The following MORC3 variants were observed in gnomAD, a reference collection of about 807,000 sequenced individuals.
The protein encoded by MORC3 is MORC family CW-type zinc finger 3, also known as MORC family CW-type zinc finger protein 3.
A neutral mutation model predicts 109.1 loss-of-function variants in MORC3; 31 were observed. That is an observed-to-expected ratio of 0.28 (90% CI 0.21 to 0.38). MORC3 has a LOEUF of 0.38. Among genes scored for constraint, MORC3 ranks in the 10% least tolerant of loss-of-function variants. The probability of loss-of-function intolerance (pLI) is 1.00; values close to 1 mark genes in which losing one functional copy is unlikely to be tolerated. For synonymous variants in MORC3, 395 were observed against 380.7 expected (o/e 1.04, Z -0.44); for missense variants, 867 against 1,135.8 (o/e 0.76, Z 3.40).
At chr21:36,351,903 C>G (rs1198952665) in intron 9 of MORC3, among the ~76,000 whole-genome samples, 4 of 152,168 alleles carry the variant, frequency 2.6e-5, no homozygotes, top group Non-Finnish European at 4.4e-5. Context: ...TATTGCAGCA[C>G]TGTTCACAGT....
chr21:36,369,450 C>T lies in MORC3; in HGVS notation c.2082C>T (p.Cys694=), dbSNP rs1419715444. 3.7e-6 allele frequency: 6 copies of T among 1,614,016 alleles called. No homozygotes were observed. Among genetic ancestry groups the T allele is most frequent in the Non-Finnish European group, 5.1e-6 (6 of 1,180,010 alleles). Residue 694 remains cysteine (C), a synonymous_variant, in exon 15 of 17, where the codon TGC becomes TGT. Transcript: ENST00000400485. ...ATAAATCTGCAGATGATGCAGGCTG[C>T]CAATTACAAGAACTGAGAAACCAGC... ...TTDKSADDAG[C]QLQELRNQLL... is the part of the protein sequence containing the mutation.
intron 16 of MORC3, 33 bp from the exon 17 acceptor site, chr21:36,375,110 C>A: frequency 1.0e-5 from 16 of 1,578,456 alleles, no homozygotes; most frequent in Non-Finnish European, 1.3e-5. Context: ...ACTTGTAATG[C>A]TCATCTAATA....
chr21:36,337,163 G>A (rs1402724638), intron 3 of MORC3, among the ~76,000 whole-genome samples, 157 bp downstream of exon 3: 1 of 152,148 alleles, frequency 6.6e-6, no homozygotes, highest in Non-Finnish European at 1.5e-5. Context: ...ACTGGTAGAT[G>A]ATGAGTCAGT....
chr21:36,336,748 C>T (rs2146298524), intron 2 of MORC3, 126 bp from the exon 3 acceptor site: 5 of 899,140 alleles, frequency 5.6e-6, no homozygotes, highest in Non-Finnish European at 7.8e-6. Flanking sequence ...TTTAAAGCTG[C>T]TAAAAATTGC....
intron 9 of MORC3, among the ~76,000 whole-genome samples, chr21:36,352,814 A>G (rs1272300779): frequency 6.6e-6 from 1 of 152,038 alleles, no homozygotes; most frequent in Non-Finnish European, 1.5e-5. Flanking sequence ...TAACATAAAT[A>G]GTTGATTAAG....
chr21:36,361,369 C>A (rs1037840166), intron 12 of MORC3, among the ~76,000 whole-genome samples: 1 of 150,478 alleles, frequency 6.6e-6, no homozygotes, highest in Non-Finnish European at 1.5e-5. Flanking sequence ...CATAGTGACA[C>A]CCCGTCTCTA....
rs1192934275 is a variant in MORC3, at chr21:36,376,206, A to G, written c.*910A>G. 6.6e-6 allele frequency: 1 copy of G among 152,610 alleles called. No homozygotes were observed. Among genetic ancestry groups the G allele is most frequent in the East Asian group, 1.9e-4 (1 of 5,200 alleles). The allele number at this position is 152,610 out of a possible 1,614,324, so 9.5% of individuals were successfully genotyped here. On this transcript the variant is annotated 3_prime_UTR_variant, in exon 17 of 17. Transcript: ENST00000400485. ...TTTTATATCCTAGAGTCAAGGAACA[A>G]ATTTCCTTAGGATTATAGTATTACA...
intron 1 of MORC3, among the ~76,000 whole-genome samples, chr21:36,322,576 T>C (rs1197543446): frequency 6.6e-6 from 1 of 152,130 alleles, no homozygotes; most frequent in Non-Finnish European, 1.5e-5. Flanking sequence ...TTCACCATGT[T>C]GGCCAGGCTG....
At chr21:36,361,512 G>A (rs2085715074) in intron 12 of MORC3, among the ~76,000 whole-genome samples, 1 of 114,532 alleles carries the variant, frequency 8.7e-6, no homozygotes, top group Non-Finnish European at 1.7e-5. Context: ...CTGCATTCCA[G>A]CCTGGGCGAC....
At chr21:36,360,540 T>C (rs1395048711) in intron 12 of MORC3, 5 of 436,990 alleles carry the variant, frequency 1.1e-5, no homozygotes, top group South Asian at 7.8e-5. Context: ...ACCCCCCCCA[T>C]TGAAGCTTAT....
At chr21:36,354,323 C>CTTTCT (rs1555908408) in intron 9 of MORC3, among the ~76,000 whole-genome samples, 35 of 113,648 alleles carry the variant, frequency 3.1e-4, no homozygotes, top group East Asian at 2.6e-3. Context: ...TTCTTTCTTT[C>CTTTCT]TTTTTTTTTT....
At chr21:36,374,357 C>A (rs2085905313) in intron 16 of MORC3, among the ~76,000 whole-genome samples, 1 of 152,106 alleles carries the variant, frequency 6.6e-6, no homozygotes, top group Non-Finnish European at 1.5e-5. Flanking sequence ...TCCCAAAGTG[C>A]TGGGATTACA....
At chr21:36,347,015 A>AC (rs939496180) in intron 8 of MORC3, among the ~76,000 whole-genome samples, 9 of 150,716 alleles carry the variant, frequency 6.0e-5, no homozygotes, top group African/African-American at 2.2e-4. Flanking sequence ...CTTAAAAAAA[A>AC]AAAAAAAAAA....
At chr21:36,365,688 C>T (rs997365625) in intron 14 of MORC3, among the ~76,000 whole-genome samples, 1 of 152,114 alleles carries the variant, frequency 6.6e-6, no homozygotes, top group African/African-American at 2.4e-5. Context: ...TCATGCGATT[C>T]CCCCACCTCA....
intron 5 of MORC3, among the ~76,000 whole-genome samples, chr21:36,339,780 A>G (rs1199545452): frequency 6.6e-6 from 1 of 152,230 alleles, no homozygotes; most frequent in African/African-American, 2.4e-5. Context: ...ACAGGTAGTG[A>G]TAAGCCTAAA....
chr21:36,324,998 C>T (rs779802705), intron 1 of MORC3, among the ~76,000 whole-genome samples: 11 of 152,202 alleles, frequency 7.2e-5, no homozygotes, highest in Middle Eastern at 3.4e-3. Flanking sequence ...CGTGAGCCAC[C>T]GCGCCTGGCA....
rs753697959 is a variant in MORC3, at chr21:36,333,743, C to G, written c.112+25C>G. The G allele has an allele frequency of 2.7e-6, 4 of 1,494,508 alleles. No homozygotes were observed. The South Asian group carries it at 4.7e-5, about 18-fold the overall frequency. The allele number at this position is 1,494,508 out of a possible 1,614,324, so 92.6% of individuals were successfully genotyped here. ...GGTATGTAGTTTGACATTTCATATA[C>G]CATTTGTTGCTTACAATTGTAGTGT... On this transcript the variant is annotated intron_variant, in intron 2 of 16. Transcript: ENST00000400485.
At chr21:36,346,581 G>A (rs1456242278) in intron 8 of MORC3, among the ~76,000 whole-genome samples, 1 of 152,036 alleles carries the variant, frequency 6.6e-6, no homozygotes, top group Non-Finnish European at 1.5e-5. Context: ...GGTCTGGGCC[G>A]GGGGATTGCT....
intron 13 of MORC3, among the ~76,000 whole-genome samples, chr21:36,363,817 T>C (rs1304180357): frequency 6.6e-6 from 1 of 152,182 alleles, no homozygotes; most frequent in Non-Finnish European, 1.5e-5. Context: ...CTTTTTGGCT[T>C]TGTGGGCCAC....
Sources: gnomAD v4.1 joint callset for allele counts (sites outside exome capture counted in the v4.1 genomes callset) on GRCh38, gnomAD v4.1.1 for gene constraint, MANE v1.5 for transcripts, NCBI Gene and HGNC (gene_info 2026-07-23, HGNC 2026-07-21) for gene names.